Variants in DTX3 observed in about 807,000 individuals in gnomAD.
DTX3 encodes E3 ubiquitin-protein ligase DTX3.
Under a neutral mutation model 27.4 loss-of-function variants are expected in DTX3, and 10 were observed. That is an observed-to-expected ratio of 0.36 (90% CI 0.22 to 0.62). The LOEUF is 0.62. Ranked by LOEUF, DTX3 falls within the 20% of genes least tolerant of loss-of-function variation. DTX3 has a pLI of 0.68. For synonymous variants in DTX3, 171 were observed against 190.7 expected (o/e 0.90, Z 0.85); for missense variants, 319 against 463.8 (o/e 0.69, Z 2.87).
chr12:57,606,072 C>T (rs1039885003), intron 2 of DTX3, 118 bp from the exon 3 acceptor site: 3 of 159,188 alleles, frequency 1.9e-5, no homozygotes, highest in African/African-American at 7.2e-5. Flanking sequence ...TGGGGAGAAG[C>T]TGATAATGGA....
rs762136054 is a variant in DTX3 at position 57,608,969 on chromosome 12, T to C, written c.969-108T>C. On this transcript the variant is annotated intron_variant, in intron 6 of 6. Coordinates refer to ENST00000337737, the MANE Select transcript of DTX3 (RefSeq NM_178502.4). This position sits in a 1 kb window ranked among gnomAD's most constrained non-coding sequence, Gnocchi z 6.1. ...TCTTGGATTTGGAGGTGTCCTCCCT[T>C]AGGGGAGGTGGGGAGGTGTCTGAGC... 8.7e-7 allele frequency: 1 copy of C among 1,153,000 alleles called. No homozygotes were observed. Among genetic ancestry groups the C allele is most frequent in the Admixed American group, 1.9e-5 (1 of 51,638 alleles). The allele number at this position is 1,153,000 out of a possible 1,614,324, so 71.4% of individuals were successfully genotyped here. A position where few individuals can be genotyped will look rare whatever the true frequency, so the allele number is the denominator to read the frequency against.
rs1247372317 is a variant in DTX3, at chr12:57,607,435, G to A, written c.572G>A (p.Arg191Gln). ...TCATTCTGCGAGGGCTGCATCACCC[G>A]GGCTCTGCAGGTGAAAAAGGCCTGC... ...RHSFCEGCITRALQVKKACPM... is the reference protein window; with the variant it reads ...RHSFCEGCITQALQVKKACPM... The change falls in exon 5 of 7, where the codon CGG becomes CAG. Residue 191 changes from arginine (R) to glutamine (Q), a missense_variant. By Grantham distance (43) the Arg-to-Gln change is conservative. Coordinates refer to ENST00000337737, the MANE Select transcript of DTX3 (RefSeq NM_178502.4). The surrounding 1 kb of genome is among the most constrained non-coding windows in gnomAD (Gnocchi z 7.7). The A allele has an allele frequency of 6.2e-7, 1 of 1,614,082 alleles. No individual in the cohort carries two copies. Among genetic ancestry groups the A allele is most frequent in the Non-Finnish European group, 8.5e-7 (1 of 1,180,000 alleles).
rs762262585 is a variant in DTX3, at chr12:57,608,814, C to G, written c.968+77C>G. On this transcript the variant is annotated intron_variant, in intron 6 of 6. Transcript: ENST00000337737. The surrounding 1 kb of genome is among the most constrained non-coding windows in gnomAD (Gnocchi z 6.1). The stretch of plus-strand genomic sequence containing the variant: ...TCCACTGAGGGACCCACCAACCCCT[C>G]GCTCACGGAGCCTCCTAACTGGAGA... The G allele has an allele frequency of 1.1e-5, 17 of 1,517,214 alleles. No homozygotes were observed. The highest frequency in any genetic ancestry group is 1.7e-4 in the Middle Eastern group (1 of 5,940). 94.0% of individuals were successfully genotyped at this position (1,517,214 alleles called of 1,614,324 possible).
rs542699703 is a variant in DTX3 at position 57,606,984 on chromosome 12, C to T, written c.121C>T (p.Arg41Trp). ...GACCCCAGCCCGGCTGGCCCGGCTTCGGGAGGAGCACCGTGTGTCCATCCT... is the reference window on the plus strand; with the variant it reads ...GACCCCAGCCCGGCTGGCCCGGCTTTGGGAGGAGCACCGTGTGTCCATCCT... ...KETPARLARL[R>W]EEHRVSILID... The change falls in exon 5 of 7, where the codon CGG (arginine) becomes TGG (tryptophan). Residue 41 changes from arginine to tryptophan, a missense_variant. Arg to Trp is a moderately radical substitution (Grantham distance 101). This residue lies in a region of DTX3 where 202 missense variants were observed against 205.3 expected (regional missense o/e 0.98). Coordinates refer to ENST00000337737, the MANE Select transcript of DTX3 (RefSeq NM_178502.4). 6 of 1,614,214 alleles carry T rather than the reference C, an allele frequency of 3.7e-6. No homozygotes were observed. Among genetic ancestry groups the T allele is most frequent in the Admixed American group, 1.7e-5 (1 of 60,026 alleles).
In DTX3 at chr12:57,607,367, G is replaced by T; in HGVS notation, c.504G>T (p.Leu168=). 6.2e-7 allele frequency: 1 copy of T among 1,612,936 alleles called. No homozygotes were observed. Among genetic ancestry groups the T allele is most frequent in the Non-Finnish European group, 8.5e-7 (1 of 1,179,446 alleles). The change falls in exon 5 of 7, where the codon CTG becomes CTT. Residue 168 remains leucine (L), a synonymous_variant. Coordinates refer to ENST00000337737, the MANE Select transcript of DTX3 (RefSeq NM_178502.4). This position sits in a 1 kb window ranked among gnomAD's most constrained non-coding sequence, Gnocchi z 7.7. ...AGGAGAGCACCTGCCCCATCTGTCT[G>T]GGGGAGATCCAGAATGCCAAGACAT... ...EEQESTCPIC[L]GEIQNAKTLE...
Position 57,608,920 on chromosome 12 carries a change from A to G in DTX3, c.969-157A>G. Reference sequence around the variant, plus strand: ...TGGTGTGCCCAGCTTAGCCTACAAAAATAAGCAGAACTGGGCTAAATTATC... The same window carrying G: ...TGGTGTGCCCAGCTTAGCCTACAAAGATAAGCAGAACTGGGCTAAATTATC... On this transcript the variant is annotated intron_variant, in intron 6 of 6. Coordinates refer to ENST00000337737, the MANE Select transcript of DTX3 (RefSeq NM_178502.4). This position sits in a 1 kb window ranked among gnomAD's most constrained non-coding sequence, Gnocchi z 6.1. 1 of 1,071,596 alleles carries G rather than the reference A, an allele frequency of 9.3e-7. No individual in the cohort carries two copies. 66.4% of individuals were successfully genotyped at this position (1,071,596 alleles called of 1,614,324 possible).
intron 4 of DTX3, 22 bp downstream of exon 4, chr12:57,606,540 A>G: frequency 2.5e-6 from 4 of 1,613,892 alleles, no homozygotes; most frequent in Non-Finnish European, 3.4e-6. Context: ...GGAGGGGCAA[A>G]GAGTCTCCCT....
intron 3 of DTX3, 46 bp from the exon 4 acceptor site, chr12:57,606,397 G>A: frequency 6.7e-7 from 1 of 1,494,724 alleles, no homozygotes; most frequent in South Asian, 1.2e-5. Flanking sequence ...CATGGGAATT[G>A]GGAGAAGGGG....
chr12:57,606,772 TA>T, intron 4 of DTX3, 92 bp from the exon 5 acceptor site: 1 of 1,470,654 alleles, frequency 6.8e-7, no homozygotes, highest in Admixed American at 2.2e-5. Flanking sequence ...AAAACAGAGG[TA>T]ATAGAGGGTT....
At chr12:57,609,003 A>G in intron 6 of DTX3, 74 bp from the exon 7 acceptor site, 3 of 1,408,166 alleles carry the variant, frequency 2.1e-6, no homozygotes, top group Non-Finnish European at 2.0e-6. Context: ...GCCACCTAGA[A>G]TGAGGGTGAG....
In DTX3 at chr12:57,609,310, C is replaced by T; in HGVS notation, c.*158C>T. 1 of 668,944 alleles carries T rather than the reference C, an allele frequency of 1.5e-6. No individual in the cohort carries two copies. The highest frequency in any genetic ancestry group is 2.6e-6 in the Non-Finnish European group (1 of 381,850). 41.4% of individuals were successfully genotyped at this position (668,944 alleles called of 1,614,324 possible). A position where few individuals can be genotyped will look rare whatever the true frequency, so the allele number is the denominator to read the frequency against. On this transcript the variant is annotated 3_prime_UTR_variant, in exon 7 of 7. Coordinates refer to ENST00000337737, the MANE Select transcript of DTX3 (RefSeq NM_178502.4). ...AGAGGGAGGGGGCAATCCCTTCCCC[C>T]ATCCCCCACTGGCCAAGTGTTTCAA... is the stretch of plus-strand genomic sequence containing the variant.
Position 57,606,552 on chromosome 12 carries a change from C to A in DTX3, c.1+34C>A, listed in dbSNP as rs768775507. On this transcript the variant is annotated intron_variant, in intron 4 of 6. Transcript: ENST00000337737. ...AAAGGAGGGGCAAAGAGTCTCCCTCCCCTTTAAACAGCCCATTTTTCCCCA... is the reference window on the plus strand; with the variant it reads ...AAAGGAGGGGCAAAGAGTCTCCCTCACCTTTAAACAGCCCATTTTTCCCCA... 12 of 1,609,720 alleles carry A rather than the reference C, an allele frequency of 7.5e-6. No homozygotes were observed. The Middle Eastern group carries it at 5.0e-4, about 67-fold the overall frequency.
chr12:57,605,588 G>C lies in DTX3; in HGVS notation c.-282G>C, dbSNP rs1231045327. The C allele has an allele frequency of 6.6e-6, 1 of 152,216 alleles. No homozygotes were observed. Among genetic ancestry groups the C allele is most frequent in the East Asian group, 1.9e-4 (1 of 5,194 alleles). 9.4% of individuals were successfully genotyped at this position (152,216 alleles called of 1,614,324 possible). Reference sequence around the variant, plus strand: ...TGTTTGAGCTGCATTTGGAAGTGTTGTGGAGACAGCCCCGTAGCCCAATGC... The same window carrying C: ...TGTTTGAGCTGCATTTGGAAGTGTTCTGGAGACAGCCCCGTAGCCCAATGC... On this transcript the variant is annotated 5_prime_UTR_variant, in exon 2 of 7. Transcript: ENST00000337737.
chr12:57,606,987 G>C lies in DTX3; in HGVS notation c.124G>C (p.Glu42Gln). The C allele has an allele frequency of 6.2e-7, 1 of 1,614,218 alleles. No homozygotes were observed. Among genetic ancestry groups the C allele is most frequent in the Non-Finnish European group, 8.5e-7 (1 of 1,180,050 alleles). Residue 42 changes from glutamate to glutamine, a missense_variant, in exon 5 of 7, where the codon GAG becomes CAG. Glu to Gln is a conservative substitution (Grantham distance 29). Around this residue, in one of 2 missense-constraint regions of DTX3, gnomAD observed 202 missense variants for 205.3 expected, o/e 0.98. Transcript: ENST00000337737. ...CCCAGCCCGGCTGGCCCGGCTTCGG[G>C]AGGAGCACCGTGTGTCCATCCTCAT... ...ETPARLARLR[E>Q]EHRVSILIDG...
Position 57,606,869 on chromosome 12 carries a change from G to C in DTX3, c.6G>C (p.Ser2=). M[S]FVLSRMAACG... is the part of the protein sequence containing the mutation. ...TCCCTTTCACCCTGGGGGCAGTGTC[G>C]TTCGTCCTGTCCAGAATGGCAGCCT... The change falls in exon 5 of 7, where the codon TCG becomes TCC. Residue 2 remains serine, a synonymous_variant. Coordinates refer to ENST00000337737, the MANE Select transcript of DTX3 (RefSeq NM_178502.4). 2 of 1,608,486 alleles carry C rather than the reference G, an allele frequency of 1.2e-6. No homozygotes were observed. Among genetic ancestry groups the C allele is most frequent in the Non-Finnish European group, 1.7e-6 (2 of 1,176,460 alleles).
In DTX3 at chr12:57,606,761, G is replaced by T. The variant is rs1032239884; in HGVS notation, c.2-104G>T. Reference sequence around the variant, plus strand: ...TGAAGGGTTGGGGATTAGGCTTTGAGAAAACAGAGGTAATAGAGGGTTTGG... The same window carrying T: ...TGAAGGGTTGGGGATTAGGCTTTGATAAAACAGAGGTAATAGAGGGTTTGG... On this transcript the variant is annotated intron_variant, in intron 4 of 6. Transcript: ENST00000337737. 3.4e-5 allele frequency: 49 copies of T among 1,460,540 alleles called. No homozygotes were observed. In the East Asian group the frequency reaches 1.1e-3, roughly 32 times the overall value. The allele number at this position is 1,460,540 out of a possible 1,614,324, so 90.5% of individuals were successfully genotyped here. A position where few individuals can be genotyped will look rare whatever the true frequency, so the allele number is the denominator to read the frequency against.
In DTX3 at chr12:57,608,690, C is replaced by G. The variant is rs754548762; in HGVS notation, c.921C>G (p.Thr307=). Residue 307 remains threonine, a synonymous_variant, in exon 6 of 7, where the codon ACC becomes ACG. Coordinates refer to ENST00000337737, the MANE Select transcript of DTX3 (RefSeq NM_178502.4). This position sits in a 1 kb window ranked among gnomAD's most constrained non-coding sequence, Gnocchi z 6.1. ...SMTTGRPNVI[T]WNDIHHKTSC... is the part of the protein sequence containing the mutation. ...CCACAGGGAGACCGAATGTCATCAC[C>G]TGGAACGACATCCACCACAAGACCA... 13 of 1,614,086 alleles carry G rather than the reference C, an allele frequency of 8.1e-6. No homozygotes were observed. In the South Asian group the frequency reaches 1.3e-4, roughly 16 times the overall value.
rs1162637652 is a variant in DTX3 at position 57,606,766 on chromosome 12, C to G, written c.2-99C>G. 4.8e-6 allele frequency: 7 copies of G among 1,461,840 alleles called. No individual in the cohort carries two copies. In the Admixed American group the frequency reaches 1.3e-4, roughly 28 times the overall value. 90.6% of individuals were successfully genotyped at this position (1,461,840 alleles called of 1,614,324 possible). The stretch of plus-strand genomic sequence containing the variant: ...GGTTGGGGATTAGGCTTTGAGAAAA[C>G]AGAGGTAATAGAGGGTTTGGAAGGA... On this transcript the variant is annotated intron_variant, in intron 4 of 6. Coordinates refer to ENST00000337737, the MANE Select transcript of DTX3 (RefSeq NM_178502.4).
chr12:57,605,466 C>CATCT, intron 1 of DTX3, 105 bp from the exon 2 acceptor site: 1 of 152,406 alleles, frequency 6.6e-6, no homozygotes, highest in East Asian at 1.9e-4. Flanking sequence ...TCTCGAGGTG[C>CATCT]ATCTGGCCTT....
Sources: allele counts gnomAD v4.1 joint callset, GRCh38; gene constraint gnomAD v4.1.1; regional missense constraint gnomAD v4.1.1; non-coding constraint Gnocchi (gnomAD v3.1); transcripts MANE v1.5; gene names NCBI Gene and HGNC (gene_info 2026-07-23, HGNC 2026-07-21).